LRRC41: variants seen among roughly 807,000 people sequenced by gnomAD.
LRRC41 encodes leucine rich repeat containing 41.
In LRRC41, 17 loss-of-function variants were observed where a neutral mutation model predicts 72.1. That is an observed-to-expected ratio of 0.24 (90% confidence interval 0.16 to 0.35). The LOEUF is 0.35. Ranked by LOEUF, LRRC41 falls within the 10% of genes least tolerant of loss-of-function variation. LRRC41 has a pLI of 1.00. For missense variants in LRRC41, 759 were observed against 1,065.0 expected, an observed-to-expected ratio of 0.71 and a Z score of 4.00; for synonymous variants, 427 against 431.0, an observed-to-expected ratio of 0.99 and a Z score of 0.11.
chr1:46,285,449 C>G lies in LRRC41; in HGVS notation c.1408G>C (p.Val470Leu). The G allele has an allele frequency of 6.2e-7, 1 of 1,614,176 alleles. No individual in the cohort carries two copies. Among genetic ancestry groups the G allele is most frequent in the Non-Finnish European group, 8.5e-7 (1 of 1,180,030 alleles). ...AGGGCTGCCTCTGTGGAGAGTGGAA[C>G]TGTGAATAGCTCCAAGGTGGAGATG... The part of the protein sequence containing the change: ...RSISTLELFT[V>L]PLSTEAALTL... The change falls in exon 4 of 10, where the codon GTT (valine) becomes CTT (leucine). Residue 470 changes from valine to leucine, a missense_variant. Physicochemically the swap from Val to Leu is conservative, Grantham distance 32. Coordinates refer to ENST00000617190, the MANE Select transcript of LRRC41 (RefSeq NM_006369.5). This position sits in a 1 kb window ranked among gnomAD's most constrained non-coding sequence, Gnocchi z 5.3.
At chr1:46,290,757 A>C (rs957693045) in intron 3 of LRRC41, among the ~76,000 whole-genome samples, 2 of 151,610 alleles carry the variant, frequency 1.3e-5, no homozygotes, top group Non-Finnish European at 2.9e-5. Flanking sequence ...CAGGCACACA[A>C]CACCATGTCC....
At position 46,278,771 on chromosome 1, in the gene LRRC41, AAGAT is replaced by A. The variant is rs943598307; in HGVS notation, c.*90_*93del. ...AGAGAAAAAAGGTGACAGAAAGAGA[AAGAT>A]AGAACTGGTGGTTGGGGTTCTGGGC... On this transcript the variant is annotated 3_prime_UTR_variant, in exon 10 of 10. Transcript: ENST00000617190. The A allele has an allele frequency of 4.1e-6, 5 of 1,215,234 alleles. No individual in the cohort carries two copies. The African/African-American group carries it at 4.5e-5, about 11-fold the overall frequency. 75.3% of individuals were successfully genotyped at this position (1,215,234 alleles called of 1,614,324 possible). A position where few individuals can be genotyped will look rare whatever the true frequency, so the allele number is the denominator to read the frequency against.
At position 46,302,814 on chromosome 1, in the gene LRRC41, G is replaced by T. The variant is rs984323609; in HGVS notation, c.199+310C>A. 1 of 984,942 alleles carries T rather than the reference G, an allele frequency of 1.0e-6. No homozygotes were observed. Among genetic ancestry groups the T allele is most frequent in the African/African-American group, 1.8e-5 (1 of 57,116 alleles). The allele number at this position is 984,942 out of a possible 1,614,324, so 61.0% of individuals were successfully genotyped here. A position where few individuals can be genotyped will look rare whatever the true frequency, so the allele number is the denominator to read the frequency against. ...CCGGCCCAGCCGAGTGTCAGTTCGCGCGGCCCACAGCCGCAATCCAGCCTC... is the reference window on the plus strand; with the variant it reads ...CCGGCCCAGCCGAGTGTCAGTTCGCTCGGCCCACAGCCGCAATCCAGCCTC... On this transcript the variant is annotated intron_variant, in intron 1 of 9. Transcript: ENST00000617190. This position sits in a 1 kb window ranked among gnomAD's most constrained non-coding sequence, Gnocchi z 4.7.
chr1:46,283,424 G>C (rs1445711135), intron 4 of LRRC41, among the ~76,000 whole-genome samples: 2 of 152,208 alleles, frequency 1.3e-5, no homozygotes, highest in African/African-American at 4.8e-5. Context: ...TTCGAGACCA[G>C]CCCGGCCTAT....
chr1:46,293,178 G>A (rs1247706950), intron 3 of LRRC41, among the ~76,000 whole-genome samples: 4 of 147,092 alleles, frequency 2.7e-5, no homozygotes, highest in East Asian at 2.0e-4. Flanking sequence ...GCGAGATTTC[G>A]TCTCAAAAAA....
intron 3 of LRRC41, among the ~76,000 whole-genome samples, chr1:46,290,274 G>C (rs558994368): frequency 6.6e-6 from 1 of 152,278 alleles, no homozygotes; most frequent in South Asian, 2.1e-4. Context: ...GCTGGGCATA[G>C]TGGTGCATGC....
At position 46,279,262 on chromosome 1, in the gene LRRC41, A is replaced by G. The variant is rs1660715577; in HGVS notation, c.2144-5T>C. 3 of 1,614,072 alleles carry G rather than the reference A, an allele frequency of 1.9e-6. No homozygotes were observed. Among genetic ancestry groups the G allele is most frequent in the Non-Finnish European group, 2.5e-6 (3 of 1,179,946 alleles). On this transcript the variant is annotated splice_region_variant and splice_polypyrimidine_tract_variant and intron_variant, in intron 8 of 9. Coordinates refer to ENST00000617190, the MANE Select transcript of LRRC41 (RefSeq NM_006369.5). This position sits in a 1 kb window ranked among gnomAD's most constrained non-coding sequence, Gnocchi z 4.5. ...AGGCCAGCAGGCCAGCATTCCCTGGAGAGAAGGGGAGAACGCCTATCACCT... is the reference window on the plus strand; with the variant it reads ...AGGCCAGCAGGCCAGCATTCCCTGGGGAGAAGGGGAGAACGCCTATCACCT...
chr1:46,302,834 A>G lies in LRRC41; in HGVS notation c.199+290T>C. On this transcript the variant is annotated intron_variant, in intron 1 of 9. Transcript: ENST00000617190. This position sits in a 1 kb window ranked among gnomAD's most constrained non-coding sequence, Gnocchi z 4.7. ...TTCGCGCGGCCCACAGCCGCAATCCAGCCTCAGTCGCCCGGGCCCAGCCTG... is the reference window on the plus strand; with the variant it reads ...TTCGCGCGGCCCACAGCCGCAATCCGGCCTCAGTCGCCCGGGCCCAGCCTG... 1 of 984,106 alleles carries G rather than the reference A, an allele frequency of 1.0e-6. No individual in the cohort carries two copies. Among genetic ancestry groups the G allele is most frequent in the Non-Finnish European group, 1.2e-6 (1 of 829,634 alleles). The allele number at this position is 984,106 out of a possible 1,614,324, so 61.0% of individuals were successfully genotyped here.
chr1:46,290,987 C>T (rs556581577), intron 3 of LRRC41, among the ~76,000 whole-genome samples: 8 of 144,596 alleles, frequency 5.5e-5, no homozygotes, highest in East Asian at 4.2e-4. Context: ...TACAGTGGCA[C>T]GATCTCGGCT....
chr1:46,281,228 C>T lies in LRRC41; in HGVS notation c.1653G>A (p.Arg551=). ...GGTGGTCAACACGAATAGAGAGGACCCGTAGCAGGGGCAGTGCTCGCACGA... is the reference window on the plus strand; with the variant it reads ...GGTGGTCAACACGAATAGAGAGGACTCGTAGCAGGGGCAGTGCTCGCACGA... The part of the protein sequence containing the change: ...RAIVRALPLL[R]VLSIRVDHPS... The change falls in exon 5 of 10, where the codon CGG becomes CGA. Residue 551 remains arginine (R), a synonymous_variant. Transcript: ENST00000617190. The T allele has an allele frequency of 1.2e-6, 2 of 1,614,196 alleles. No homozygotes were observed. The highest frequency in any genetic ancestry group is 1.7e-6 in the Non-Finnish European group (2 of 1,180,042).
At chr1:46,287,917 A>T (rs1044223315) in intron 3 of LRRC41, among the ~76,000 whole-genome samples, 7 of 152,208 alleles carry the variant, frequency 4.6e-5, no homozygotes, top group Non-Finnish European at 1.0e-4. Context: ...ATTTTGACGG[A>T]TAGGAAATCT....
intron 4 of LRRC41, among the ~76,000 whole-genome samples, chr1:46,282,017 T>G (rs1318189241): frequency 6.6e-6 from 1 of 151,336 alleles, no homozygotes. Context: ...AGACGGAGGT[T>G]GCAGTGAGCT....
chr1:46,294,213 C>T (rs1299697763), intron 3 of LRRC41, among the ~76,000 whole-genome samples: 3 of 151,726 alleles, frequency 2.0e-5, no homozygotes, highest in African/African-American at 7.3e-5. Flanking sequence ...CTCCTGGGCT[C>T]CCTCCCACCT....
rs780952622 is a variant in LRRC41 at position 46,281,251 on chromosome 1, C to A, written c.1630G>T (p.Val544Leu). The A allele has an allele frequency of 1.9e-5, 31 of 1,614,080 alleles. No homozygotes were observed. Among genetic ancestry groups the A allele is most frequent in the Non-Finnish European group, 2.6e-5 (31 of 1,180,050 alleles). The change falls in exon 5 of 10, where the codon GTG becomes TTG. Residue 544 changes from valine (V) to leucine (L), a missense_variant. Transcript: ENST00000617190. ...ACCCGTAGCAGGGGCAGTGCTCGCA[C>A]GATAGCACGTGTCAGCTCCAGGATG... ...LPILELTRAI[V>L]RALPLLRVLS...
chr1:46,284,686 A>G (rs187532289), intron 4 of LRRC41, among the ~76,000 whole-genome samples: 22 of 152,158 alleles, frequency 1.4e-4, no homozygotes, highest in Middle Eastern at 6.8e-3. Flanking sequence ...GATGGCTTCT[A>G]TTTTCTCTGT....
At chr1:46,293,424 G>C (rs1021263202) in intron 3 of LRRC41, among the ~76,000 whole-genome samples, 4 of 151,874 alleles carry the variant, frequency 2.6e-5, no homozygotes, top group Non-Finnish European at 4.4e-5. Context: ...ATTTTTTGTA[G>C]AGACAAGGTG....
intron 3 of LRRC41, among the ~76,000 whole-genome samples, chr1:46,290,269 G>C (rs1660979983): frequency 1.3e-5 from 2 of 152,136 alleles, no homozygotes; most frequent in African/African-American, 4.8e-5. Flanking sequence ...ATGTAGCTGG[G>C]CATAGTGGTG....
Position 46,283,236 on chromosome 1 carries a change from C to T in LRRC41, c.1496-1851G>A, listed in dbSNP as rs530255959. 1.9e-4 allele frequency among the ~76,000 whole-genome samples: 29 copies of T among 151,926 alleles called. 1 individual carries two copies. The South Asian group carries it at 5.6e-3, about 29-fold the overall frequency. The stretch of plus-strand genomic sequence containing the variant: ...ATTTGTATGGCAAGAGTAAGGAGTC[C>T]GGAGGAACTACTGAAATTAGTTCAG... On this transcript the variant is annotated intron_variant, in intron 4 of 9. Transcript: ENST00000617190.
Position 46,277,659 on chromosome 1 carries a change from A to G in LRRC41, c.*1206T>C. The stretch of plus-strand genomic sequence containing the variant: ...CTCAGGAGACAGACTGGGAAAATGG[A>G]CCTCAGCTGAGTAGAGATAATGTTC... On this transcript the variant is annotated 3_prime_UTR_variant, in exon 10 of 10. Transcript: ENST00000617190. The G allele has an allele frequency of 1.2e-6, 1 of 812,360 alleles. No homozygotes were observed. 50.3% of individuals were successfully genotyped at this position (812,360 alleles called of 1,614,324 possible). A position where few individuals can be genotyped will look rare whatever the true frequency, so the allele number is the denominator to read the frequency against.
Sources: gnomAD v4.1 joint callset for allele counts (sites outside exome capture counted in the v4.1 genomes callset) on GRCh38, gnomAD v4.1.1 for gene constraint, Gnocchi (gnomAD v3.1) non-coding constraint, MANE v1.5 for transcripts, NCBI Gene and HGNC (gene_info 2026-07-23, HGNC 2026-07-21) for gene names.